The following NTM variants were observed in gnomAD, a reference collection of about 807,000 sequenced individuals.
The protein encoded by NTM is IgLON family member 2.
A neutral mutation model predicts 42.1 loss-of-function variants in NTM; 13 were observed. That is an observed-to-expected ratio of 0.31 (90% CI 0.20 to 0.49). The LOEUF (loss-of-function observed/expected upper bound fraction) is 0.49, where lower values mean the gene tolerates loss of function less well. Among genes scored for constraint, NTM ranks in the 20% least tolerant of loss-of-function variants. The pLI, the probability that NTM is intolerant of heterozygous loss-of-function variation, is 0.99. For synonymous variants in NTM, 187 were observed against 179.2 expected (o/e 1.04, Z -0.35); for missense variants, 373 against 452.8 (o/e 0.82, Z 1.60).
rs2070260416 is a variant in NTM, at chr11:132,004,585, G to A, written c.167+92937G>A. Reference sequence around the variant, plus strand: ...AGAAATCTTATATGGTTCCAAAGAAGTTTCTCTCTCTTTCTCTCTTTCTCT... The same window carrying A: ...AGAAATCTTATATGGTTCCAAAGAAATTTCTCTCTCTTTCTCTCTTTCTCT... On this transcript the variant is annotated intron_variant, in intron 2 of 8. Transcript: ENST00000683400. Among the ~76,000 whole-genome samples, 6 of 144,074 alleles carry A rather than the reference G, an allele frequency of 4.2e-5. No individual in the cohort carries two copies. The Middle Eastern group carries it at 0.014, about 336-fold the overall frequency. 94.5% of individuals were successfully genotyped at this position (144,074 alleles called of 152,430 possible).
At chr11:131,496,118 C>T (rs1955314009) in intron 1 of NTM, among the ~76,000 whole-genome samples, 2 of 152,204 alleles carry the variant, frequency 1.3e-5, no homozygotes, top group South Asian at 2.1e-4. Context: ...CTCTCTCTTC[C>T]CACATCTCCC....
intron 1 of NTM, among the ~76,000 whole-genome samples, chr11:131,711,268 C>A (rs1173826609): frequency 1.3e-5 from 2 of 151,860 alleles, no homozygotes; most frequent in Non-Finnish European, 2.9e-5. Flanking sequence ...TACAATGAAC[C>A]CAAACAAATT....
chr11:132,165,949 TAAATA>T (rs2075203045), intron 3 of NTM, among the ~76,000 whole-genome samples: 1 of 152,190 alleles, frequency 6.6e-6, no homozygotes. Flanking sequence ...GAGAGTTTTA[TAAATA>T]AAATAATTAT....
intron 2 of NTM, among the ~76,000 whole-genome samples, chr11:131,989,874 G>T (rs555873012): frequency 2.0e-5 from 3 of 152,082 alleles, no homozygotes; most frequent in African/African-American, 7.2e-5. Flanking sequence ...CTTTTGTTTT[G>T]TAGTAATACG....
chr11:131,421,566 A>G (rs544851578), intron 1 of NTM, among the ~76,000 whole-genome samples: 220 of 152,348 alleles, frequency 1.4e-3, no homozygotes, highest in African/African-American at 5.0e-3. Flanking sequence ...GCTACTGCAT[A>G]TGCAGTTCCA....
At chr11:131,540,328 C>G (rs1296861625) in intron 1 of NTM, among the ~76,000 whole-genome samples, 1 of 152,010 alleles carries the variant, frequency 6.6e-6, no homozygotes, top group African/African-American at 2.4e-5. Context: ...CCATGGCCAG[C>G]TAGTTGTTTT....
chr11:132,128,801 G>A lies in NTM; in HGVS notation c.168-17481G>A, dbSNP rs551000952. On this transcript the variant is annotated intron_variant, in intron 2 of 8. Transcript: ENST00000683400. ...AAATAAAATAAAATTAGCCGAGTGC[G>A]GTGGCGGGCACCTGTAGTCCCCGCT... Among the ~76,000 whole-genome samples the A allele has an allele frequency of 2.2e-4, 33 of 151,754 alleles. 1 individual carries two copies. In the South Asian group the frequency reaches 3.4e-3, roughly 15 times the overall value.
At chr11:131,924,142 G>C (rs115550114) in intron 2 of NTM, among the ~76,000 whole-genome samples, 2,007 of 152,326 alleles carry the variant, frequency 0.013, 46 homozygotes, top group African/African-American at 0.044. Flanking sequence ...GCAGGGCACG[G>C]AGCTGGGGGC....
At chr11:131,989,477 T>C (rs1259136599) in intron 2 of NTM, among the ~76,000 whole-genome samples, 2 of 152,164 alleles carry the variant, frequency 1.3e-5, no homozygotes, top group African/African-American at 4.8e-5. Context: ...TTCACTTAAC[T>C]CGCGGGATCA....
intron 3 of NTM, among the ~76,000 whole-genome samples, chr11:132,184,591 C>T (rs1019852915): frequency 6.6e-6 from 1 of 152,152 alleles, no homozygotes; most frequent in African/African-American, 2.4e-5. Context: ...TGGTGAAACC[C>T]TCTCATTCAC....
chr11:131,819,435 C>T lies in NTM; in HGVS notation c.83-92129C>T, dbSNP rs115329095. The stretch of plus-strand genomic sequence containing the variant: ...CACATCCTACTGTCCTGCTCACTCA[C>T]ATACCCGCTCACTCATTCACTCATT... On this transcript the variant is annotated intron_variant, in intron 1 of 8. Transcript: ENST00000683400. Among the ~76,000 whole-genome samples the T allele has an allele frequency of 6.9e-3, 1,050 of 152,306 alleles. 11 individuals carry two copies. The highest frequency in any genetic ancestry group is 0.022 in the African/African-American group (927 of 41,560).
intron 2 of NTM, among the ~76,000 whole-genome samples, chr11:132,000,317 A>G (rs961185887): frequency 2.2e-4 from 33 of 152,324 alleles, no homozygotes; most frequent in African/African-American, 7.9e-4. Flanking sequence ...TGTGGCCAGC[A>G]AAAGATTTCC....
chr11:131,891,987 G>A (rs951050515), intron 1 of NTM, among the ~76,000 whole-genome samples: 12 of 152,198 alleles, frequency 7.9e-5, no homozygotes, highest in African/African-American at 2.4e-4. Flanking sequence ...CTCAAGGAGA[G>A]AGGGTAGCTT....
At chr11:131,466,456 A>T (rs1409817692) in intron 1 of NTM, among the ~76,000 whole-genome samples, 1 of 152,192 alleles carries the variant, frequency 6.6e-6, no homozygotes, top group Non-Finnish European at 1.5e-5. Context: ...AAACTTGCAT[A>T]AGGCTTAAGC....
chr11:131,432,675 A>C (rs1948745099), intron 1 of NTM, among the ~76,000 whole-genome samples: 1 of 152,048 alleles, frequency 6.6e-6, no homozygotes. Context: ...AAGAAAATTG[A>C]CTTTACTCTC....
rs113622367 is a variant in NTM, at chr11:131,754,811, CAATT to C, written c.83-156750_83-156747del. On this transcript the variant is annotated intron_variant, in intron 1 of 8. Coordinates refer to ENST00000683400, the MANE Select transcript of NTM (RefSeq NM_001352005.2). ...GTTCATCAACAGATGAGTGGATAAA[CAATT>C]AACAGTAAATCCAAACAATGAAATA... Among the ~76,000 whole-genome samples the C allele has an allele frequency of 3.7e-3, 566 of 152,146 alleles. 1 individual carries two copies. Among genetic ancestry groups the C allele is most frequent in the Middle Eastern group, 0.014 (4 of 294 alleles).
At chr11:131,657,690 C>A (rs1197531246) in intron 1 of NTM, among the ~76,000 whole-genome samples, 1 of 152,218 alleles carries the variant, frequency 6.6e-6, no homozygotes, top group Non-Finnish European at 1.5e-5. Context: ...GGAATCCCAG[C>A]ACTATCTCAG....
intron 1 of NTM, among the ~76,000 whole-genome samples, chr11:131,610,272 T>G (rs1025971914): frequency 2.6e-5 from 4 of 152,150 alleles, no homozygotes; most frequent in Non-Finnish European, 5.9e-5. Flanking sequence ...CCCTCATGGG[T>G]CCAGAATCAA....
chr11:131,692,911 A>G (rs2074964363), intron 1 of NTM, among the ~76,000 whole-genome samples: 1 of 152,244 alleles, frequency 6.6e-6, no homozygotes, highest in East Asian at 1.9e-4. Context: ...CAGATGCTTC[A>G]GCCAAGAAAT....
Sources: allele counts gnomAD v4.1 joint callset (sites outside exome capture counted in the v4.1 genomes callset), GRCh38; gene constraint gnomAD v4.1.1; transcripts MANE v1.5; gene names NCBI Gene and HGNC (gene_info 2026-07-23, HGNC 2026-07-21).